FSTL5: variants seen among roughly 807,000 people sequenced by gnomAD.
The protein encoded by FSTL5 is follistatin-related protein 5.
A neutral mutation model predicts 89.1 loss-of-function variants in FSTL5; 62 were observed. The observed-to-expected ratio is 0.70, with a 90% confidence interval of 0.57 to 0.86. FSTL5 has a LOEUF of 0.86. Among genes scored for constraint, FSTL5 ranks in the 40% least tolerant of loss-of-function variants. FSTL5 has a pLI of 0.00. For missense variants in FSTL5, 1,057 were observed against 1,001.6 expected (o/e 1.06, Z -0.75); for synonymous variants, 383 against 346.2 (o/e 1.11, Z -1.18).
intron 3 of FSTL5, among the ~76,000 whole-genome samples, chr4:161,999,570 C>T (rs1736402354): frequency 1.3e-5 from 2 of 152,162 alleles, no homozygotes; most frequent in Admixed American, 6.5e-5. Flanking sequence ...CATATTTGTA[C>T]TCATCAGCAA....
At position 162,025,350 on chromosome 4, in the gene FSTL5, T is replaced by A. The variant is rs188827602; in HGVS notation, c.160+8275A>T. ...TATCATGGATGTACTTAAAACATGA[T>A]TTTTTTGCATTTTACTCAAAAGGGT... On this transcript the variant is annotated intron_variant, in intron 3 of 15. Transcript: ENST00000306100. Among the ~76,000 whole-genome samples the A allele has an allele frequency of 3.6e-4, 55 of 152,252 alleles. 1 individual carries two copies. In the East Asian group the frequency reaches 0.01, roughly 28 times the overall value.
intron 6 of FSTL5, among the ~76,000 whole-genome samples, chr4:161,677,640 GAA>G (rs1737353523): frequency 6.6e-6 from 1 of 151,904 alleles, no homozygotes; most frequent in Non-Finnish European, 1.5e-5. Context: ...TGTGAGAACC[GAA>G]AGAGTGTTCC....
intron 3 of FSTL5, among the ~76,000 whole-genome samples, chr4:161,931,920 G>T (rs1734296571): frequency 6.6e-6 from 1 of 151,924 alleles, no homozygotes; most frequent in South Asian, 2.1e-4. Context: ...CAATGGTACA[G>T]TCCAAACATC....
Position 161,901,709 on chromosome 4 carries a change from C to T in FSTL5, c.409+18695G>A, listed in dbSNP as rs181625658. Among the ~76,000 whole-genome samples, 725 of 152,014 alleles carry T rather than the reference C, an allele frequency of 4.8e-3. 3 individuals carry two copies. The highest frequency in any genetic ancestry group is 0.017 in the African/African-American group (704 of 41,456). On this transcript the variant is annotated intron_variant, in intron 4 of 15. Transcript: ENST00000306100. ...AGCACTTTGGGAAGCCGAGGTGGGG[C>T]GGATTGCCTGAGCTCAGGAGTTCCA... is the stretch of plus-strand genomic sequence containing the variant.
intron 1 of FSTL5, among the ~76,000 whole-genome samples, chr4:162,113,243 C>T (rs576828629): frequency 6.6e-6 from 1 of 152,160 alleles, no homozygotes; most frequent in Admixed American, 6.5e-5. Flanking sequence ...TTTCATTCAT[C>T]TGTGTACTTA....
chr4:161,469,683 GCT>G (rs1369998548), intron 13 of FSTL5, among the ~76,000 whole-genome samples: 1 of 150,604 alleles, frequency 6.6e-6, no homozygotes, highest in African/African-American at 2.4e-5. Context: ...TGTTGCCCAG[GCT>G]GGAGTGCAGT....
intron 6 of FSTL5, among the ~76,000 whole-genome samples, chr4:161,709,930 C>A (rs964101854): frequency 2.6e-5 from 4 of 151,902 alleles, no homozygotes; most frequent in Non-Finnish European, 5.9e-5. Flanking sequence ...ATAGCAAAGA[C>A]CATTTTAGTA....
chr4:161,459,787 T>C (rs1307697411), intron 13 of FSTL5, among the ~76,000 whole-genome samples: 3 of 152,098 alleles, frequency 2.0e-5, no homozygotes, highest in East Asian at 3.8e-4. Context: ...CTATCTGTAA[T>C]GTTAAAATGC....
chr4:161,926,790 A>G (rs1046118942), intron 3 of FSTL5, among the ~76,000 whole-genome samples: 10 of 151,794 alleles, frequency 6.6e-5, no homozygotes, highest in African/African-American at 2.2e-4. Flanking sequence ...TATTATCTTA[A>G]TATCTCCATC....
intron 7 of FSTL5, among the ~76,000 whole-genome samples, chr4:161,627,548 G>A (rs552975276): frequency 6.6e-6 from 1 of 152,006 alleles, no homozygotes. Context: ...CAAGATCTCC[G>A]AGGCATGCCT....
At chr4:161,826,868 T>A (rs1378501095) in intron 4 of FSTL5, among the ~76,000 whole-genome samples, 1 of 152,178 alleles carries the variant, frequency 6.6e-6, no homozygotes, top group Admixed American at 6.5e-5. Context: ...TTTAAGTAGA[T>A]GATTTAGGCC....
chr4:161,988,171 TAGA>T (rs778888883), intron 3 of FSTL5, among the ~76,000 whole-genome samples: 3 of 151,992 alleles, frequency 2.0e-5, no homozygotes, highest in Non-Finnish European at 4.4e-5. Context: ...AAATGGGATT[TAGA>T]AGAAGTGCAG....
intron 8 of FSTL5, among the ~76,000 whole-genome samples, chr4:161,564,256 C>T (rs74888768): frequency 2.0e-5 from 3 of 150,882 alleles, no homozygotes; most frequent in Non-Finnish European, 4.4e-5. Context: ...CATGCAAGTA[C>T]ACACACAAAC....
At chr4:161,609,797 A>G (rs1014995069) in intron 7 of FSTL5, among the ~76,000 whole-genome samples, 2 of 152,102 alleles carry the variant, frequency 1.3e-5, no homozygotes, top group African/African-American at 4.8e-5. Context: ...AGCTCAGGTG[A>G]ATGCTGCCTA....
At chr4:162,031,014 T>C (rs1290950556) in intron 3 of FSTL5, among the ~76,000 whole-genome samples, 1 of 152,192 alleles carries the variant, frequency 6.6e-6, no homozygotes, top group Non-Finnish European at 1.5e-5. Flanking sequence ...ACATGTTTTA[T>C]CTGTTGTGTT....
chr4:161,665,256 TTTTG>T lies in FSTL5; in HGVS notation c.728-8766_728-8763del, dbSNP rs1736847566. ...GAGAAATCTTTTTTTTGTTGTTTTA[TTTTG>T]AGACAGAGTCTCACTCCTTCACCCA... On this transcript the variant is annotated intron_variant, in intron 6 of 15. Coordinates refer to ENST00000306100, the MANE Select transcript of FSTL5 (RefSeq NM_020116.5). Among the ~76,000 whole-genome samples, 11 of 152,280 alleles carry T rather than the reference TTTTG, an allele frequency of 7.2e-5. No individual in the cohort carries two copies. In the South Asian group the frequency reaches 2.3e-3, roughly 32 times the overall value.
At chr4:161,997,814 A>C (rs972528547) in intron 3 of FSTL5, among the ~76,000 whole-genome samples, 1 of 151,696 alleles carries the variant, frequency 6.6e-6, no homozygotes, top group Non-Finnish European at 1.5e-5. Context: ...CTGTGTTAGC[A>C]AGGATGGTCT....
chr4:161,487,524 C>G (rs1251244057), intron 12 of FSTL5, among the ~76,000 whole-genome samples: 1 of 151,948 alleles, frequency 6.6e-6, no homozygotes, highest in Non-Finnish European at 1.5e-5. Context: ...GTATTTAAAC[C>G]AGTTTGGGTA....
intron 3 of FSTL5, among the ~76,000 whole-genome samples, chr4:162,011,980 C>T (rs868491154): frequency 7.2e-5 from 11 of 152,160 alleles, no homozygotes; most frequent in African/African-American, 2.2e-4. Flanking sequence ...TCTAGCAATT[C>T]ACAAGCTTCT....
Sources: allele counts gnomAD v4.1 joint callset (sites outside exome capture counted in the v4.1 genomes callset), GRCh38; gene constraint gnomAD v4.1.1; transcripts MANE v1.5; gene names NCBI Gene and HGNC (gene_info 2026-07-23, HGNC 2026-07-21).